Variants in TMIGD3 observed in about 807,000 individuals in gnomAD.
The protein encoded by TMIGD3 is transmembrane and immunoglobulin domain containing 3.
A neutral mutation model predicts 28.1 loss-of-function variants in TMIGD3; 21 were observed. The observed-to-expected ratio is 0.75, with a 90% CI of 0.53 to 1.08. The LOEUF (loss-of-function observed/expected upper bound fraction) is 1.08, where lower values mean the gene tolerates loss of function less well. TMIGD3 is among the 50% of genes least tolerant of loss of function. TMIGD3 has a pLI of 0.00. For missense variants in TMIGD3, 416 were observed against 435.6 expected (o/e 0.96, Z 0.40); for synonymous variants, 151 against 162.1 (o/e 0.93, Z 0.52).
intron 1 of TMIGD3, among the ~76,000 whole-genome samples, chr1:111,545,437 G>GT (rs1657001045): frequency 2.0e-5 from 3 of 151,982 alleles, no homozygotes; most frequent in Admixed American, 6.6e-5. Context: ...AGAAATATCT[G>GT]TTCGAGTCCT....
At chr1:111,543,925 A>G (rs577373002) in intron 1 of TMIGD3, among the ~76,000 whole-genome samples, 2 of 152,300 alleles carry the variant, frequency 1.3e-5, no homozygotes, top group African/African-American at 4.8e-5. Context: ...CTCTCTTCTT[A>G]GGAGGTATTT....
chr1:111,551,158 A>G (rs948629353), intron 1 of TMIGD3, among the ~76,000 whole-genome samples: 2 of 152,144 alleles, frequency 1.3e-5, no homozygotes. Context: ...TACAAACAGC[A>G]TATAGTTGGA....
Position 111,483,701 on chromosome 1 carries a change from T to C in TMIGD3, c.1030A>G (p.Thr344Ala). 1.2e-6 allele frequency: 2 copies of C among 1,613,622 alleles called. No homozygotes were observed. The highest frequency in any genetic ancestry group is 1.7e-4 in the Middle Eastern group (1 of 6,060). ...AAAATCTTCAGTCACATCTGTTCAGTAGGAGCCATTTCCTTTGGAGTCAGG... is the reference window on the plus strand; with the variant it reads ...AAAATCTTCAGTCACATCTGTTCAGCAGGAGCCATTTCCTTTGGAGTCAGG... ...RVLTPKEMAPTEQM is the reference protein window; with the variant it reads ...RVLTPKEMAPAEQM Residue 344 changes from threonine to alanine, a missense_variant, in exon 6 of 6, where the codon ACT (threonine) becomes GCT (alanine). By Grantham distance (58) the Thr-to-Ala change is moderately conservative. Transcript: ENST00000369716.
intron 1 of TMIGD3, among the ~76,000 whole-genome samples, chr1:111,515,038 C>G (rs1377096511): frequency 2.0e-5 from 3 of 152,238 alleles, no homozygotes; most frequent in Non-Finnish European, 4.4e-5. Flanking sequence ...CTGTGTTACA[C>G]TGCCTGGAAC....
chr1:111,514,381 CA>C (rs973629506), intron 1 of TMIGD3, among the ~76,000 whole-genome samples: 1 of 151,606 alleles, frequency 6.6e-6, no homozygotes, highest in Admixed American at 6.6e-5. Context: ...CCTGTCTCTA[CA>C]AAAAAAATTC....
Position 111,503,040 on chromosome 1 carries a change from A to G in TMIGD3, c.315T>C (p.Ala105=), listed in dbSNP as rs377527048. The change falls in exon 1 of 6, where the codon GCT becomes GCC. Residue 105 remains alanine, a synonymous_variant. Coordinates refer to ENST00000369716, the MANE Select transcript of TMIGD3 (RefSeq NM_020683.7). ...GCTTGACCCGCAAGTATCGGTCCAC[A>G]GCGATGGCCAGCAAGGACATGATGG... ...HASIMSLLAI[A]VDRYLRVKLT... 1.4e-5 allele frequency: 22 copies of G among 1,614,200 alleles called. No individual in the cohort carries two copies. Among genetic ancestry groups the G allele is most frequent in the Middle Eastern group, 1.7e-4 (1 of 6,056 alleles).
intron 1 of TMIGD3, among the ~76,000 whole-genome samples, chr1:111,552,513 A>G (rs1010325267): frequency 6.6e-6 from 1 of 152,212 alleles, no homozygotes; most frequent in Non-Finnish European, 1.5e-5. Flanking sequence ...GTTCATTTTC[A>G]GAGTACCTTA....
chr1:111,515,798 A>G (rs547279114), intron 1 of TMIGD3, among the ~76,000 whole-genome samples: 77 of 152,146 alleles, frequency 5.1e-4, no homozygotes, highest in African/African-American at 1.8e-3. Flanking sequence ...CCAAGACACA[A>G]TTTGAGGATG....
intron 1 of TMIGD3, among the ~76,000 whole-genome samples, chr1:111,534,996 A>C (rs1656591802): frequency 1.3e-5 from 2 of 152,216 alleles, no homozygotes; most frequent in Non-Finnish European, 2.9e-5. Context: ...CTCACAGGAA[A>C]TTAGTATAGT....
intron 1 of TMIGD3, among the ~76,000 whole-genome samples, chr1:111,516,892 G>A (rs1026756211): frequency 6.6e-6 from 1 of 152,326 alleles, no homozygotes; most frequent in South Asian, 2.1e-4. Context: ...CTAGTATTGG[G>A]ATAAATCAGA....
chr1:111,515,333 A>T lies in TMIGD3; in HGVS notation c.108-24571T>A, dbSNP rs72975010. On this transcript the variant is annotated intron_variant, in intron 1 of 5. Coordinates refer to the TMIGD3 transcript ENST00000369717. ...TGAACCAGAACTCCCACCTACTAAA[A>T]ACTGAGCCTGGCTTCTCTTGCGCCT... 9.8e-3 allele frequency among the ~76,000 whole-genome samples: 1,487 copies of T among 152,086 alleles called. 16 individuals are homozygous for T. The highest frequency in any genetic ancestry group is 0.033 in the African/African-American group (1,388 of 41,482).
intron 1 of TMIGD3, chr1:111,542,438 C>CT (rs1656869161): frequency 9.2e-6 from 2 of 217,784 alleles, no homozygotes; most frequent in African/African-American, 4.6e-5. Context: ...GGGCTCCGCC[C>CT]TTAAGAGAGC....
intron 1 of TMIGD3, among the ~76,000 whole-genome samples, chr1:111,556,410 G>A (rs1268938091): frequency 6.6e-6 from 1 of 152,134 alleles, no homozygotes; most frequent in Non-Finnish European, 1.5e-5. Context: ...TGACTCCCCA[G>A]AAGAATAGAA....
rs1654786399 is a variant in TMIGD3, at chr1:111,494,181, C to G, written c.351-3419G>C. 3.3e-5 allele frequency among the ~76,000 whole-genome samples: 5 copies of G among 152,174 alleles called. No homozygotes were observed. The South Asian group carries it at 1.0e-3, about 31-fold the overall frequency. On this transcript the variant is annotated intron_variant, in intron 1 of 5. Coordinates refer to ENST00000369716, the MANE Select transcript of TMIGD3 (RefSeq NM_020683.7). Reference sequence around the variant, plus strand: ...AAGCCAGAAAGCCAAACAATGGCCCCTTTAACAATCAACCCAAAATGGCCA... The same window carrying G: ...AAGCCAGAAAGCCAAACAATGGCCCGTTTAACAATCAACCCAAAATGGCCA...
intron 1 of TMIGD3, among the ~76,000 whole-genome samples, chr1:111,518,605 T>C (rs1487346542): frequency 1.3e-5 from 2 of 152,232 alleles, no homozygotes; most frequent in Non-Finnish European, 2.9e-5. Flanking sequence ...TAAGCGATTT[T>C]CCCAAGGTCA....
chr1:111,485,723 C>CAAAAA lies in TMIGD3; in HGVS notation c.973+16_973+17insTTTTT. 1 of 1,324,634 alleles carries CAAAAA rather than the reference C, an allele frequency of 7.5e-7. No individual in the cohort carries two copies. The highest frequency in any genetic ancestry group is 1.1e-6 in the Non-Finnish European group (1 of 933,682). The allele number at this position is 1,324,634 out of a possible 1,614,324, so 82.1% of individuals were successfully genotyped here. On this transcript the variant is annotated intron_variant, in intron 5 of 5. Transcript: ENST00000369716. ...TCTAATTCTTGCCCACCCCCTCCCT[C>CAAAAA]AACAATAGCTACTTACCCCTTCTAT...
chr1:111,514,667 C>CAT (rs1557831203), intron 1 of TMIGD3, among the ~76,000 whole-genome samples: 1 of 151,682 alleles, frequency 6.6e-6, no homozygotes, highest in Non-Finnish European at 1.5e-5. Context: ...CACACACACA[C>CAT]ATCATACCAT....
chr1:111,486,127 G>C (rs1441195252), intron 4 of TMIGD3, among the ~76,000 whole-genome samples: 1 of 152,108 alleles, frequency 6.6e-6, no homozygotes, highest in Non-Finnish European at 1.5e-5. Flanking sequence ...TTGAATGGGG[G>C]AGAAATAAAC....
At chr1:111,484,426 T>C (rs981436454) in intron 5 of TMIGD3, among the ~76,000 whole-genome samples, 3 of 152,182 alleles carry the variant, frequency 2.0e-5, no homozygotes, top group African/African-American at 7.2e-5. Flanking sequence ...AGGTCACACC[T>C]TAAAAAAGTG....
Sources: allele counts gnomAD v4.1 joint callset (sites outside exome capture counted in the v4.1 genomes callset), GRCh38; gene constraint gnomAD v4.1.1; transcripts MANE v1.5; gene names NCBI Gene and HGNC (gene_info 2026-07-23, HGNC 2026-07-21).